The following ERAP1 variants were observed in gnomAD, a reference collection of about 807,000 sequenced individuals.
ERAP1 encodes adipocyte-derived leucine aminopeptidase.
A neutral mutation model predicts 103.7 loss-of-function variants in ERAP1; 86 were observed. The observed-to-expected ratio is 0.83, with a 90% confidence interval of 0.70 to 0.99. ERAP1 has a LOEUF of 0.99. ERAP1 is among the 50% of genes least tolerant of loss of function. The pLI, the probability that ERAP1 is intolerant of heterozygous loss-of-function variation, is 0.00. For synonymous variants in ERAP1, 398 were observed against 402.4 expected (o/e 0.99, Z 0.13); for missense variants, 1,009 against 1,128.4 (o/e 0.89, Z 1.52).
chr5:96,812,269 A>G (rs1159639635), upstream of ERAP1, among the ~76,000 whole-genome samples: 1 of 152,264 alleles, frequency 6.6e-6, no homozygotes. Flanking sequence ...AAGCTCTACT[A>G]TTTCAAAGAA....
At chr5:96,840,488 A>G in the ERAP1 span, among the ~76,000 whole-genome samples, 1 of 152,228 alleles carries the variant, frequency 6.6e-6, no homozygotes, top group Non-Finnish European at 1.5e-5. Context: ...TAATAACAAT[A>G]GCCTACCAAG....
chr5:96,889,283 C>T, the ERAP1 span: 1 of 1,613,762 alleles, frequency 6.2e-7, no homozygotes, highest in Non-Finnish European at 8.5e-7. Flanking sequence ...ACTTTGATAT[C>T]TACTATCCAC....
the ERAP1 span, chr5:96,915,892 A>G: frequency 7.9e-6 from 6 of 759,234 alleles, no homozygotes; most frequent in East Asian, 5.8e-5. Context: ...TGTTTGTCCA[A>G]TGCCATATAG....
chr5:96,785,988 A>C lies in ERAP1; in HGVS notation c.1760-17T>G, dbSNP rs1359061755. 8 of 1,612,624 alleles carry C rather than the reference A, an allele frequency of 5.0e-6. No individual in the cohort carries two copies. The highest frequency in any genetic ancestry group is 2.7e-5 in the African/African-American group (2 of 74,772). On this transcript the variant is annotated splice_polypyrimidine_tract_variant and intron_variant, in intron 12 of 18. Coordinates refer to ENST00000443439, the MANE Select transcript of ERAP1 (RefSeq NM_001040458.3). ...TGAGCACATCTAGAGTAAATAAAAT[A>C]AATCAAAGTTCCATTTGCTCCCCTG...
chr5:96,764,544 C>G (rs921267530), intron 19 of ERAP1, among the ~76,000 whole-genome samples: 1 of 152,154 alleles, frequency 6.6e-6, no homozygotes, highest in African/African-American at 2.4e-5. Flanking sequence ...TCTTTCAGGG[C>G]ACTCATCACC....
chr5:96,790,178 A>G (rs115349472), intron 10 of ERAP1, 118 bp downstream of exon 10: 1 of 856,906 alleles, frequency 1.2e-6, no homozygotes, highest in African/African-American at 1.7e-5. Context: ...ATGCAGTCTT[A>G]TCTGGAATGA....
At chr5:96,784,466 G>A (rs39841) in intron 13 of ERAP1, among the ~76,000 whole-genome samples, 106,890 of 152,080 alleles carry the variant, frequency 0.7, 37,820 homozygotes, top group Non-Finnish European at 0.72. Context: ...CTGGGCGACA[G>A]AGTGAGACTC....
chr5:96,878,998 G>T, the ERAP1 span, among the ~76,000 whole-genome samples: 3 of 152,078 alleles, frequency 2.0e-5, no homozygotes, highest in African/African-American at 7.2e-5. Context: ...CCAACAGTTT[G>T]GGAGGATTGC....
chr5:96,914,129 G>GTCTCTC, the ERAP1 span, among the ~76,000 whole-genome samples: 79 of 146,852 alleles, frequency 5.4e-4, no homozygotes, highest in African/African-American at 1.8e-3. Context: ...ATTGCTTTCT[G>GTCTCTC]TCTCTCTCTC....
the ERAP1 span, among the ~76,000 whole-genome samples, chr5:96,861,744 A>G: frequency 2.8e-3 from 423 of 152,258 alleles, 2 homozygotes; most frequent in African/African-American, 9.7e-3. Flanking sequence ...CAGAACTTAA[A>G]CATCTAACTG....
chr5:96,890,188 A>G, the ERAP1 span, among the ~76,000 whole-genome samples: 1 of 152,150 alleles, frequency 6.6e-6, no homozygotes, highest in Non-Finnish European at 1.5e-5. Flanking sequence ...GCGATCCCCA[A>G]CCTTTTTGAC....
chr5:96,891,290 G>A, the ERAP1 span, among the ~76,000 whole-genome samples: 4 of 151,390 alleles, frequency 2.6e-5, no homozygotes, highest in Non-Finnish European at 5.9e-5. Context: ...TTTAGCCTAC[G>A]TGAAATCATT....
chr5:96,786,368 CT>C (rs1347659650), intron 12 of ERAP1, 101 bp downstream of exon 12: 2 of 810,006 alleles, frequency 2.5e-6, no homozygotes, highest in African/African-American at 1.7e-5. Context: ...AATCTGATCC[CT>C]TTTGCTTTAA....
At chr5:96,804,231 G>A (rs1778307351) in intron 1 of ERAP1, 1 of 426,650 alleles carries the variant, frequency 2.3e-6, no homozygotes, top group Non-Finnish European at 4.3e-6. Flanking sequence ...AACCGAACAA[G>A]CTCTGGCTGA....
chr5:96,817,661 C>T, the ERAP1 span, among the ~76,000 whole-genome samples: 1 of 152,192 alleles, frequency 6.6e-6, no homozygotes, highest in African/African-American at 2.4e-5. Flanking sequence ...AGAACTTGGC[C>T]ACCAGTGAAA....
chr5:96,899,711 A>T, the ERAP1 span, among the ~76,000 whole-genome samples: 1 of 152,204 alleles, frequency 6.6e-6, no homozygotes, highest in African/African-American at 2.4e-5. Flanking sequence ...AAGAACTTGT[A>T]ATATGTCAGG....
At chr5:96,838,059 G>A in the ERAP1 span, among the ~76,000 whole-genome samples, 1 of 151,864 alleles carries the variant, frequency 6.6e-6, no homozygotes, top group Non-Finnish European at 1.5e-5. Context: ...GGGATGGGGG[G>A]TGGGGTGGGC....
the ERAP1 span, chr5:96,934,573 A>C: frequency 6.6e-6 from 1 of 152,300 alleles, no homozygotes; most frequent in Non-Finnish European, 1.5e-5. Context: ...GTTGGTATCC[A>C]CTGGAAGTTT....
chr5:96,763,476 C>T (rs1422193589), intron 19 of ERAP1, among the ~76,000 whole-genome samples: 1 of 152,198 alleles, frequency 6.6e-6, no homozygotes, highest in East Asian at 1.9e-4. Context: ...TCTTAATATT[C>T]AGGCCAGAGA....
Sources: gnomAD v4.1 joint callset for allele counts (sites outside exome capture counted in the v4.1 genomes callset) on GRCh38, gnomAD v4.1.1 for gene constraint, MANE v1.5 for transcripts, NCBI Gene and HGNC (gene_info 2026-07-23, HGNC 2026-07-21) for gene names.